The following BCAM variants were observed in gnomAD, a reference collection of about 807,000 sequenced individuals.
The protein encoded by BCAM is basal cell adhesion molecule (Lutheran blood group), also known as basal cell adhesion molecule.
Under a neutral mutation model 72.4 loss-of-function variants are expected in BCAM, and 61 were observed. That is an observed-to-expected ratio of 0.84 (90% confidence interval 0.69 to 1.04). BCAM has a LOEUF of 1.04. BCAM is among the 50% of genes least tolerant of loss of function. The pLI is 0.00. For missense variants in BCAM, 909 were observed against 895.0 expected (o/e 1.02, Z -0.20); for synonymous variants, 408 against 384.2 (o/e 1.06, Z -0.73).
In BCAM at chr19:44,813,458, A is replaced by T. The variant is rs1568572003; in HGVS notation, c.622A>T (p.Thr208Ser). 2 of 1,611,324 alleles carry T rather than the reference A, an allele frequency of 1.2e-6. No homozygotes were observed. Among genetic ancestry groups the T allele is most frequent in the African/African-American group, 2.7e-5 (2 of 74,892 alleles). Reference sequence around the variant, plus strand: ...CCCAGAGGGCTACATGACCAGCCGCACGGTCCGGGAGGCCTCGGGCCTGCT... The same window carrying T: ...CCCAGAGGGCTACATGACCAGCCGCTCGGTCCGGGAGGCCTCGGGCCTGCT... ...MNPEGYMTSR[T>S]VREASGLLSL... The change falls in exon 6 of 15, where the codon ACG (threonine) becomes TCG (serine). Residue 208 changes from threonine (T) to serine (S), a missense_variant. By Grantham distance (58) the Thr-to-Ser change is moderately conservative. Transcript: ENST00000270233. The surrounding 1 kb of genome is among the most constrained non-coding windows in gnomAD (Gnocchi z 4.2).
chr19:44,818,648 G>C lies in BCAM; in HGVS notation c.1194+11G>C. 1 of 1,612,920 alleles carries C rather than the reference G, an allele frequency of 6.2e-7. No homozygotes were observed. The highest frequency in any genetic ancestry group is 8.5e-7 in the Non-Finnish European group (1 of 1,179,116). ...CTACGCTGGACCAAGGTGAGAGGGA[G>C]AGGAGCCCCCTCGGGCCCTGCACTC... On this transcript the variant is annotated intron_variant, in intron 9 of 14. Transcript: ENST00000270233. The surrounding 1 kb of genome is among the most constrained non-coding windows in gnomAD (Gnocchi z 4.6).
In BCAM at chr19:44,818,974, G is replaced by A; in HGVS notation, c.1337-82G>A. The A allele has an allele frequency of 6.3e-7, 1 of 1,598,738 alleles. No homozygotes were observed. Among genetic ancestry groups the A allele is most frequent in the South Asian group, 1.1e-5 (1 of 89,136 alleles). On this transcript the variant is annotated intron_variant, in intron 10 of 14. Transcript: ENST00000270233. The surrounding 1 kb of genome is among the most constrained non-coding windows in gnomAD (Gnocchi z 4.6). ...GGACGAGTTCCTGAGTCCCTGGCTG[G>A]GGACTCCATCTTCTGCTCGATGCCT...
intron 2 of BCAM, chr19:44,811,666 C>T (rs1179534264): frequency 2.4e-5 from 8 of 339,858 alleles, no homozygotes; most frequent in Non-Finnish European, 3.4e-5. Context: ...GCGGGTGGAT[C>T]ACGAGGTCAA....
intron 2 of BCAM, chr19:44,811,650 G>C (rs946874277): frequency 2.3e-5 from 8 of 349,718 alleles, no homozygotes; most frequent in Non-Finnish European, 4.3e-5. Flanking sequence ...ACTTTGGGAG[G>C]CCGAGGCGGG....
Position 44,819,499 on chromosome 19 carries a change from C to G in BCAM, c.1618+9C>G, listed in dbSNP as rs1396316176. On this transcript the variant is annotated intron_variant, in intron 12 of 14. Transcript: ENST00000270233. Reference sequence around the variant, plus strand: ...CTTCCACTTCGGCACCGGTGAGTGACTGAGGTGGTGGCAGAGGAGCCGGGT... The same window carrying G: ...CTTCCACTTCGGCACCGGTGAGTGAGTGAGGTGGTGGCAGAGGAGCCGGGT... 6.2e-7 allele frequency: 1 copy of G among 1,613,782 alleles called. No homozygotes were observed. The highest frequency in any genetic ancestry group is 8.5e-7 in the Non-Finnish European group (1 of 1,179,894).
chr19:44,812,427 G>A lies in BCAM; in HGVS notation c.433+36G>A. 2.5e-6 allele frequency: 4 copies of A among 1,614,154 alleles called. No homozygotes were observed. The South Asian group carries it at 4.4e-5, about 18-fold the overall frequency. Reference sequence around the variant, plus strand: ...TCGGGCATCCCCCGAAGGGAGGCAGGCAGGGAGGGGCGCAGGGCAGGGGCT... The same window carrying A: ...TCGGGCATCCCCCGAAGGGAGGCAGACAGGGAGGGGCGCAGGGCAGGGGCT... On this transcript the variant is annotated intron_variant, in intron 3 of 14. Coordinates refer to ENST00000270233, the MANE Select transcript of BCAM (RefSeq NM_005581.5). This position sits in a 1 kb window ranked among gnomAD's most constrained non-coding sequence, Gnocchi z 5.3.
rs986898045 is a variant in BCAM, at chr19:44,809,131, C to T, written c.7C>T (p.Pro3Ser). 6.9e-7 allele frequency: 1 copy of T among 1,455,496 alleles called. No individual in the cohort carries two copies. Among genetic ancestry groups the T allele is most frequent in the Non-Finnish European group, 9.0e-7 (1 of 1,106,956 alleles). The allele number at this position is 1,455,496 out of a possible 1,614,324, so 90.2% of individuals were successfully genotyped here. ...CTCCGCCGCCGCCGTGAACATGGAG[C>T]CCCCGGACGCACCGGCCCAGGCGCG... is the stretch of plus-strand genomic sequence containing the variant. Reference protein sequence around the residue: MEPPDAPAQARGA... With the variant: MESPDAPAQARGA... Residue 3 changes from proline (P) to serine (S), a missense_variant, in exon 1 of 15, where the codon CCC becomes TCC. Pro to Ser is a moderately conservative substitution (Grantham distance 74). Transcript: ENST00000270233.
At chr19:44,817,130 G>A (rs1257394146) in intron 8 of BCAM, among the ~76,000 whole-genome samples, 2 of 150,894 alleles carry the variant, frequency 1.3e-5, no homozygotes, top group Non-Finnish European at 3.0e-5. Context: ...CCAGGTACTC[G>A]GGAGGCTGAG....
rs771831527 is a variant in BCAM at position 44,819,042 on chromosome 19, C to T, written c.1337-14C>T. ...CCTCTCCCTTCACTTTCTTCCCATC[C>T]CCACCACCCACAGGCTCGCCAGAGC... On this transcript the variant is annotated splice_polypyrimidine_tract_variant and intron_variant, in intron 10 of 14. Transcript: ENST00000270233. 1.9e-6 allele frequency: 3 copies of T among 1,613,134 alleles called. No individual in the cohort carries two copies. The highest frequency in any genetic ancestry group is 1.7e-6 in the Non-Finnish European group (2 of 1,179,320).
Position 44,809,207 on chromosome 19 carries a change from G to T in BCAM, c.82+1G>T. ...GCAGTCCTGCTGGCGGCGCACCCAG[G>T]TATGGCTCGGGCTGAGGGCAAGGTG... is the stretch of plus-strand genomic sequence containing the variant. On this transcript the variant is annotated splice_donor_variant, in intron 1 of 14. Transcript: ENST00000270233. LOFTEE classifies it high-confidence loss of function. 1 of 1,468,744 alleles carries T rather than the reference G, an allele frequency of 6.8e-7. No individual in the cohort carries two copies. Among genetic ancestry groups the T allele is most frequent in the Non-Finnish European group, 9.0e-7 (1 of 1,111,216 alleles). The allele number at this position is 1,468,744 out of a possible 1,614,324, so 91.0% of individuals were successfully genotyped here.
chr19:44,811,953 C>T (rs1041043912), intron 2 of BCAM: 7 of 595,054 alleles, frequency 1.2e-5, no homozygotes, highest in Admixed American at 6.7e-5. Flanking sequence ...GGGATGGGAC[C>T]GGAATGAGAT....
chr19:44,809,330 A>C lies in BCAM; in HGVS notation c.82+124A>C. On this transcript the variant is annotated intron_variant, in intron 1 of 14. Transcript: ENST00000270233. ...AATGTGGGGACCCCAAGGAGGAGGG[A>C]TATGGGAGTGTTGGAAGGTACGCCT... 6 of 770,506 alleles carry C rather than the reference A, an allele frequency of 7.8e-6. No homozygotes were observed. The South Asian group carries it at 2.4e-4, about 31-fold the overall frequency. The allele number at this position is 770,506 out of a possible 1,614,324, so 47.7% of individuals were successfully genotyped here. A position where few individuals can be genotyped will look rare whatever the true frequency, so the allele number is the denominator to read the frequency against.
chr19:44,809,079 GCGGCCGAGCTGCAGCC>G, upstream of BCAM: 1 of 1,310,452 alleles, frequency 7.6e-7, no homozygotes, highest in East Asian at 3.2e-5. Context: ...CAGCCCCGCA[GCGGCCGAGCTGCAGCC>G]CGGGCTCAGT....
Position 44,821,025 on chromosome 19 carries a change from C to T in BCAM, c.*104C>T. 1 of 1,362,846 alleles carries T rather than the reference C, an allele frequency of 7.3e-7. No individual in the cohort carries two copies. Among genetic ancestry groups the T allele is most frequent in the Non-Finnish European group, 9.6e-7 (1 of 1,039,302 alleles). The allele number at this position is 1,362,846 out of a possible 1,614,324, so 84.4% of individuals were successfully genotyped here. ...CCCCCGCCTTCCCTCTTCCCTCTTC[C>T]CTCTCCCTGCCCAGCCCTCCCTTCC... On this transcript the variant is annotated 3_prime_UTR_variant, in exon 15 of 15. Coordinates refer to ENST00000270233, the MANE Select transcript of BCAM (RefSeq NM_005581.5).
rs1026409274 is a variant in BCAM at position 44,812,843 on chromosome 19, G to A, written c.504+295G>A. On this transcript the variant is annotated intron_variant, in intron 4 of 14. Coordinates refer to ENST00000270233, the MANE Select transcript of BCAM (RefSeq NM_005581.5). This position sits in a 1 kb window ranked among gnomAD's most constrained non-coding sequence, Gnocchi z 5.3. ...TGTGCAACTGTAATCCCAGCTGCTC[G>A]GGAGGCTGAGACAGGAGAATCACTC... 6.8e-5 allele frequency: 31 copies of A among 454,686 alleles called. No individual in the cohort carries two copies. The highest frequency in any genetic ancestry group is 4.7e-4 in the East Asian group (11 of 23,192). The allele number at this position is 454,686 out of a possible 1,614,324, so 28.2% of individuals were successfully genotyped here. A position where few individuals can be genotyped will look rare whatever the true frequency, so the allele number is the denominator to read the frequency against.
In BCAM at chr19:44,820,700, C is replaced by G. The variant is rs760192062; in HGVS notation, c.1764-5C>G. The G allele has an allele frequency of 2.8e-6, 4 of 1,407,216 alleles. No homozygotes were observed. The highest frequency in any genetic ancestry group is 3.0e-5 in the Admixed American group (1 of 33,266). The allele number at this position is 1,407,216 out of a possible 1,614,324, so 87.2% of individuals were successfully genotyped here. A position where few individuals can be genotyped will look rare whatever the true frequency, so the allele number is the denominator to read the frequency against. The stretch of plus-strand genomic sequence containing the variant: ...ACGCCTCCGCCCGCTGCCTCCTCCC[C>G]CCAGGCCGCCAGGGGAGCCAGGGCT... On this transcript the variant is annotated splice_region_variant and splice_polypyrimidine_tract_variant and intron_variant, in intron 13 of 14. Transcript: ENST00000270233.
At position 44,813,151 on chromosome 19, in the gene BCAM, GC is replaced by G. The variant is rs1968449668; in HGVS notation, c.505-96del. Reference sequence around the variant, plus strand: ...GTCCTGGGAGAGTCGGGAGTTAGGAGCCCGGCTCATGAGTCTGAGTGGGGAG... The same window carrying G: ...GTCCTGGGAGAGTCGGGAGTTAGGAGCCGGCTCATGAGTCTGAGTGGGGAG... On this transcript the variant is annotated intron_variant, in intron 4 of 14. Coordinates refer to ENST00000270233, the MANE Select transcript of BCAM (RefSeq NM_005581.5). This position sits in a 1 kb window ranked among gnomAD's most constrained non-coding sequence, Gnocchi z 4.2. 3.7e-6 allele frequency: 5 copies of G among 1,358,560 alleles called. No homozygotes were observed. Among genetic ancestry groups the G allele is most frequent in the Non-Finnish European group, 4.1e-6 (4 of 979,826 alleles). The allele number at this position is 1,358,560 out of a possible 1,614,324, so 84.2% of individuals were successfully genotyped here.
rs531295890 is a variant in BCAM at position 44,813,484 on chromosome 19, C to T, written c.648C>T (p.Leu216=). The change falls in exon 6 of 15, where the codon CTC becomes CTT. Residue 216 remains leucine (L), a synonymous_variant. Transcript: ENST00000270233. The surrounding 1 kb of genome is among the most constrained non-coding windows in gnomAD (Gnocchi z 4.2). ...SRTVREASGL[L]SLTSTLYLRL... The stretch of plus-strand genomic sequence containing the variant: ...CGGTCCGGGAGGCCTCGGGCCTGCT[C>T]TCCCTCACCAGCACCCTCTACCTGC... The T allele has an allele frequency of 2.5e-6, 4 of 1,612,512 alleles. No individual in the cohort carries two copies. In the South Asian group the frequency reaches 3.3e-5, roughly 13 times the overall value.
In BCAM at chr19:44,819,326, C is replaced by A. The variant is rs776695346; in HGVS notation, c.1474-20C>A. 6 of 1,613,974 alleles carry A rather than the reference C, an allele frequency of 3.7e-6. No individual in the cohort carries two copies. In the East Asian group the frequency reaches 1.3e-4, roughly 36 times the overall value. On this transcript the variant is annotated intron_variant, in intron 11 of 14. Transcript: ENST00000270233. ...CACCCCTTGACCCCACCAGCCGGGG[C>A]CTGATCGGAGCCTCCATAGCCCGCA...
Sources: gnomAD v4.1 joint callset for allele counts (sites outside exome capture counted in the v4.1 genomes callset) on GRCh38, gnomAD v4.1.1 for gene constraint, Gnocchi (gnomAD v3.1) non-coding constraint, MANE v1.5 for transcripts, NCBI Gene and HGNC (gene_info 2026-07-23, HGNC 2026-07-21) for gene names.